AGMO: variants seen among roughly 807,000 people sequenced by gnomAD.
AGMO encodes glyceryl-ether monooxygenase.
Under a neutral mutation model 60.2 loss-of-function variants are expected in AGMO, and 75 were observed. The ratio of observed to expected loss-of-function variants is 1.25; its 90% confidence interval spans 1.03 to 1.51. The LOEUF (loss-of-function observed/expected upper bound fraction) is 1.51. Among genes scored for constraint, AGMO ranks in the 40% most tolerant of loss-of-function variants. The pLI is 0.00. For missense variants in AGMO, 763 were observed against 525.5 expected, an observed-to-expected ratio of 1.45 and a Z score of -4.42; for synonymous variants, 261 against 177.1, an observed-to-expected ratio of 1.47 and a Z score of -3.76.
In AGMO at chr7:15,559,046, A is replaced by C. The variant is rs78741498; in HGVS notation, c.257+1095T>G. Reference sequence around the variant, plus strand: ...CTCTTTGGTAAGCCCTCACGTGTTGAAGATGACTTCCATTTATTGGTCTTT... The same window carrying C: ...CTCTTTGGTAAGCCCTCACGTGTTGCAGATGACTTCCATTTATTGGTCTTT... On this transcript the variant is annotated intron_variant, in intron 2 of 12. Transcript: ENST00000342526. Among the ~76,000 whole-genome samples the C allele has an allele frequency of 0.012, 1,870 of 152,224 alleles. 77 individuals carry two copies. In the East Asian group the frequency reaches 0.15, roughly 12 times the overall value.
chr7:15,488,868 T>G (rs1214005461), intron 3 of AGMO, among the ~76,000 whole-genome samples: 2 of 151,590 alleles, frequency 1.3e-5, no homozygotes, highest in African/African-American at 4.8e-5. Context: ...CCAACTATTT[T>G]CTTTGTTATG....
At chr7:15,122,176 T>C in the AGMO span, among the ~76,000 whole-genome samples, 44 of 152,144 alleles carry the variant, frequency 2.9e-4, no homozygotes, top group Non-Finnish European at 4.9e-4. Flanking sequence ...AGGTCTAATA[T>C]CCAAAATCTC....
chr7:15,451,897 T>C (rs527604288), intron 3 of AGMO, among the ~76,000 whole-genome samples: 7 of 152,276 alleles, frequency 4.6e-5, no homozygotes, highest in Admixed American at 1.3e-4. Context: ...TTTGCCTTAC[T>C]TATTGGAACA....
At chr7:15,476,984 A>G (rs1036459179) in intron 3 of AGMO, among the ~76,000 whole-genome samples, 3 of 152,142 alleles carry the variant, frequency 2.0e-5, no homozygotes, top group African/African-American at 7.2e-5. Context: ...GATCATGACC[A>G]GCTTATTATC....
chr7:15,532,686 G>A (rs972725979), intron 3 of AGMO, among the ~76,000 whole-genome samples: 6 of 142,706 alleles, frequency 4.2e-5, no homozygotes, highest in African/African-American at 1.5e-4. Context: ...AGAGCATCTT[G>A]TCAACTATAA....
At chr7:15,256,844 CACCA>C (rs1783114539) in intron 12 of AGMO, among the ~76,000 whole-genome samples, 1 of 152,078 alleles carries the variant, frequency 6.6e-6, no homozygotes, top group Admixed American at 6.5e-5. Flanking sequence ...CTATGATGTT[CACCA>C]ACAATTCTAA....
intron 5 of AGMO, among the ~76,000 whole-genome samples, chr7:15,413,298 G>A (rs1780667502): frequency 6.6e-6 from 1 of 152,150 alleles, no homozygotes; most frequent in African/African-American, 2.4e-5. Flanking sequence ...GGATACAAGA[G>A]AAAGTAAAAT....
chr7:15,198,235 G>GAGAGAGAGAC, downstream of AGMO, among the ~76,000 whole-genome samples: 1 of 114,506 alleles, frequency 8.7e-6, no homozygotes, highest in South Asian at 2.8e-4. Context: ...GAGAGAGAGA[G>GAGAGAGAGAC]AGAGAGAGAG....
chr7:15,340,924 C>G (rs577576992), intron 12 of AGMO, among the ~76,000 whole-genome samples: 2 of 152,202 alleles, frequency 1.3e-5, no homozygotes, highest in East Asian at 1.9e-4. Flanking sequence ...ACAGCTTGCA[C>G]CATATGCCTG....
intron 12 of AGMO, among the ~76,000 whole-genome samples, chr7:15,241,811 C>CA (rs1238326346): frequency 2.6e-5 from 4 of 152,132 alleles, no homozygotes; most frequent in Admixed American, 2.6e-4. Flanking sequence ...TCTCAAAGGT[C>CA]AAAAGGTGTA....
At chr7:15,182,229 G>A in the AGMO span, among the ~76,000 whole-genome samples, 1 of 152,026 alleles carries the variant, frequency 6.6e-6, no homozygotes, top group Admixed American at 6.6e-5. Context: ...GTGTTTAATG[G>A]GTACAGGATT....
intron 12 of AGMO, among the ~76,000 whole-genome samples, chr7:15,251,651 C>A (rs75506188): frequency 1.3e-5 from 2 of 152,266 alleles, no homozygotes; most frequent in East Asian, 1.9e-4. Flanking sequence ...GCCCAGTCTA[C>A]GCAGAAGGAT....
At chr7:15,135,531 A>G in the AGMO span, among the ~76,000 whole-genome samples, 2 of 152,226 alleles carry the variant, frequency 1.3e-5, no homozygotes, top group African/African-American at 4.8e-5. Context: ...GTTTTAAATC[A>G]AAAACTGCAT....
At chr7:15,470,507 C>G (rs915510367) in intron 3 of AGMO, among the ~76,000 whole-genome samples, 1 of 151,714 alleles carries the variant, frequency 6.6e-6, no homozygotes, top group East Asian at 1.9e-4. Context: ...TAATTAGAAT[C>G]TTAATAAATT....
intron 3 of AGMO, among the ~76,000 whole-genome samples, chr7:15,457,660 T>C (rs1289346955): frequency 6.6e-6 from 1 of 152,210 alleles, no homozygotes; most frequent in Admixed American, 6.5e-5. Flanking sequence ...ATCCTACATT[T>C]CATTCTTTAA....
At chr7:15,189,867 T>C in the AGMO span, among the ~76,000 whole-genome samples, 1 of 151,394 alleles carries the variant, frequency 6.6e-6, no homozygotes, top group Non-Finnish European at 1.5e-5. Flanking sequence ...TTTTTTATAC[T>C]AGTTGCTTAA....
chr7:15,221,257 A>C (rs755492610), intron 12 of AGMO, among the ~76,000 whole-genome samples: 4 of 152,150 alleles, frequency 2.6e-5, no homozygotes, highest in Admixed American at 6.6e-5. Context: ...CCCCTCTGGA[A>C]GTAAAGGCCA....
chr7:15,354,332 G>A lies in AGMO; in HGVS notation c.1263+11182C>T, dbSNP rs1296903974. ...TATACACGCGTGTATATACGTACGC[G>A]TGTATATACACGCGTGTATATAGAC... On this transcript the variant is annotated intron_variant, in intron 12 of 12. Coordinates refer to ENST00000342526, the MANE Select transcript of AGMO (RefSeq NM_001004320.2). Among the ~76,000 whole-genome samples, 10 of 80,216 alleles carry A rather than the reference G, an allele frequency of 1.2e-4. 1 individual carries two copies. Among genetic ancestry groups the A allele is most frequent in the East Asian group, 1.1e-3 (2 of 1,874 alleles). 52.6% of individuals were successfully genotyped at this position (80,216 alleles called of 152,430 possible). A position where few individuals can be genotyped will look rare whatever the true frequency, so the allele number is the denominator to read the frequency against.
At chr7:15,462,032 T>C (rs998003242) in intron 3 of AGMO, among the ~76,000 whole-genome samples, 1 of 150,300 alleles carries the variant, frequency 6.7e-6, no homozygotes, top group Non-Finnish European at 1.5e-5. Context: ...GGATATTAAG[T>C]GGGACCCAGA....
Sources: allele counts gnomAD v4.1 joint callset (sites outside exome capture counted in the v4.1 genomes callset), GRCh38; gene constraint gnomAD v4.1.1; transcripts MANE v1.5; gene names NCBI Gene and HGNC (gene_info 2026-07-23, HGNC 2026-07-21).